DYNC1I1: variants seen among roughly 807,000 people sequenced by gnomAD.
DYNC1I1 encodes the protein cytoplasmic dynein 1 intermediate chain 1.
In DYNC1I1, 43 loss-of-function variants were observed where a neutral mutation model predicts 86.6. That is an observed-to-expected ratio of 0.50 (90% CI 0.39 to 0.64). The LOEUF (loss-of-function observed/expected upper bound fraction) is 0.64. Ranked by LOEUF, DYNC1I1 falls within the 30% of genes least tolerant of loss-of-function variation. The probability of loss-of-function intolerance (pLI) is 0.00; values close to 1 mark genes in which losing one functional copy is unlikely to be tolerated. For synonymous variants in DYNC1I1, 262 were observed against 283.7 expected (o/e 0.92, Z 0.77); for missense variants, 604 against 788.8 (o/e 0.77, Z 2.81).
At chr7:95,894,787 G>A (rs1790834978) in intron 6 of DYNC1I1, among the ~76,000 whole-genome samples, 1 of 152,160 alleles carries the variant, frequency 6.6e-6, no homozygotes, top group African/African-American at 2.4e-5. Context: ...GCTGGTTGTG[G>A]AAACATTTTC....
At chr7:95,857,768 A>G (rs901734932) in intron 5 of DYNC1I1, among the ~76,000 whole-genome samples, 6 of 152,220 alleles carry the variant, frequency 3.9e-5, no homozygotes, top group African/African-American at 1.4e-4. Context: ...CTCCACAATC[A>G]GCTTATCTAG....
chr7:96,075,139 T>G (rs1181143886), intron 14 of DYNC1I1, among the ~76,000 whole-genome samples: 1 of 152,194 alleles, frequency 6.6e-6, no homozygotes, highest in Admixed American at 6.5e-5. Flanking sequence ...TCCAATTACG[T>G]TTTATTTCTG....
downstream of DYNC1I1, among the ~76,000 whole-genome samples, chr7:96,101,694 C>G (rs970949307): frequency 2.6e-5 from 4 of 152,062 alleles, no homozygotes. Context: ...TGGGTCATTC[C>G]GTCATTCCTC....
intron 6 of DYNC1I1, among the ~76,000 whole-genome samples, chr7:95,947,829 T>C (rs990598570): frequency 5.3e-5 from 8 of 152,150 alleles, no homozygotes; most frequent in Non-Finnish European, 8.8e-5. Flanking sequence ...AAAACACCTT[T>C]TCAAGCATCA....
intron 6 of DYNC1I1, among the ~76,000 whole-genome samples, chr7:95,933,353 C>T (rs1258856784): frequency 6.6e-6 from 1 of 152,120 alleles, no homozygotes; most frequent in Non-Finnish European, 1.5e-5. Context: ...CTAACAATGC[C>T]AGTCTGTTTG....
intron 4 of DYNC1I1, chr7:95,819,081 A>T (rs1024460406): frequency 1.3e-5 from 2 of 152,260 alleles, no homozygotes; most frequent in Non-Finnish European, 2.9e-5. Context: ...CAGGTGGAGA[A>T]ATGTCTTCTG....
At chr7:95,856,624 T>G (rs1464108574) in intron 5 of DYNC1I1, among the ~76,000 whole-genome samples, 4 of 152,206 alleles carry the variant, frequency 2.6e-5, no homozygotes, top group Non-Finnish European at 5.9e-5. Flanking sequence ...TCTTCATTAG[T>G]CAGTTCCTCA....
At chr7:96,017,915 G>A (rs183573354) in intron 10 of DYNC1I1, among the ~76,000 whole-genome samples, 108 of 152,244 alleles carry the variant, frequency 7.1e-4, no homozygotes, top group Non-Finnish European at 1.4e-3. Context: ...CAAGCTGCTA[G>A]CTGTTCATTA....
At chr7:96,055,849 G>T (rs1375310056) in intron 14 of DYNC1I1, 2 of 152,210 alleles carry the variant, frequency 1.3e-5, no homozygotes, top group Non-Finnish European at 2.9e-5. Context: ...CTTTGTGGAA[G>T]TTTCTGGAAA....
intron 4 of DYNC1I1, among the ~76,000 whole-genome samples, chr7:95,821,220 T>C (rs35098583): frequency 0.067 from 10,211 of 152,324 alleles, 461 homozygotes; most frequent in Non-Finnish European, 0.096. Context: ...TACTAGACTT[T>C]CAAGGAATAT....
chr7:96,029,961 C>A (rs1395606385), intron 11 of DYNC1I1, among the ~76,000 whole-genome samples: 4 of 151,208 alleles, frequency 2.6e-5, no homozygotes, highest in African/African-American at 7.3e-5. Context: ...AACTTGTCCA[C>A]TTTTCGCTTT....
intron 3 of DYNC1I1, 45 bp from the exon 4 acceptor site, chr7:95,813,202 C>A (rs199740432): frequency 1.2e-6 from 2 of 1,611,792 alleles, no homozygotes; most frequent in Non-Finnish European, 8.5e-7. Flanking sequence ...CCAGTGCAGC[C>A]GCTGCATTTT....
intron 5 of DYNC1I1, among the ~76,000 whole-genome samples, chr7:95,848,944 A>T (rs1305319090): frequency 6.6e-6 from 1 of 152,036 alleles, no homozygotes; most frequent in East Asian, 1.9e-4. Context: ...GTGATAGCTC[A>T]TTGTAGTTTT....
chr7:95,785,304 C>T (rs944627628), intron 1 of DYNC1I1, among the ~76,000 whole-genome samples: 2 of 152,104 alleles, frequency 1.3e-5, no homozygotes, highest in African/African-American at 4.8e-5. Flanking sequence ...GTCCCAGCTA[C>T]TTAGGAGGCT....
At chr7:95,921,073 A>G (rs1182672487) in intron 6 of DYNC1I1, among the ~76,000 whole-genome samples, 1 of 152,222 alleles carries the variant, frequency 6.6e-6, no homozygotes, top group Non-Finnish European at 1.5e-5. Flanking sequence ...TTAATGTTAC[A>G]GCTATGTTCA....
At position 95,820,908 on chromosome 7, in the gene DYNC1I1, G is replaced by A. The variant is rs115423372; in HGVS notation, c.315-7149G>A. On this transcript the variant is annotated intron_variant, in intron 4 of 16. Coordinates refer to ENST00000447467, the MANE Select transcript of DYNC1I1 (RefSeq NM_001135556.2). The stretch of plus-strand genomic sequence containing the variant: ...TCAGCATTTTTATTAGATAAGATAT[G>A]CTTTCCTTCTTCAGTATGGAAGTGA... Among the ~76,000 whole-genome samples the A allele has an allele frequency of 3.8e-3, 583 of 152,284 alleles. 4 individuals carry two copies. The highest frequency in any genetic ancestry group is 0.013 in the African/African-American group (553 of 41,560).
intron 14 of DYNC1I1, among the ~76,000 whole-genome samples, chr7:96,068,053 C>G (rs1404383320): frequency 6.6e-6 from 1 of 152,080 alleles, no homozygotes; most frequent in Admixed American, 6.5e-5. Context: ...TGGACCAAAC[C>G]AATGTGGGTC....
chr7:96,110,067 C>T, exon 17 of DYNC1I1: 1 of 443,234 alleles, frequency 2.3e-6, no homozygotes, highest in South Asian at 1.6e-5. Context: ...GGATTACAGA[C>T]ATGAGCCACT....
intron 7 of DYNC1I1, among the ~76,000 whole-genome samples, chr7:95,979,062 G>A (rs187467173): frequency 1.3e-5 from 2 of 152,318 alleles, no homozygotes; most frequent in African/African-American, 4.8e-5. Flanking sequence ...CCAAAGTGCT[G>A]GGATTATAGG....
Sources: gnomAD v4.1 joint callset for allele counts (sites outside exome capture counted in the v4.1 genomes callset) on GRCh38, gnomAD v4.1.1 for gene constraint, MANE v1.5 for transcripts, NCBI Gene and HGNC (gene_info 2026-07-23, HGNC 2026-07-21) for gene names.